ERAP1: variants seen among roughly 807,000 people sequenced by gnomAD.
ERAP1 encodes endoplasmic reticulum aminopeptidase 1, also known as adipocyte-derived leucine aminopeptidase.
Under a neutral mutation model 103.7 loss-of-function variants are expected in ERAP1, and 86 were observed. The observed-to-expected ratio is 0.83, with a 90% CI of 0.70 to 0.99. The LOEUF (loss-of-function observed/expected upper bound fraction) is 0.99, where lower values mean the gene tolerates loss of function less well. Ranked by LOEUF, ERAP1 falls within the 50% of genes least tolerant of loss-of-function variation. The pLI is 0.00. For missense variants in ERAP1, 1,009 were observed against 1,128.4 expected, an observed-to-expected ratio of 0.89 and a Z score of 1.52; for synonymous variants, 398 against 402.4, an observed-to-expected ratio of 0.99 and a Z score of 0.13.
Position 96,783,150 on chromosome 5 carries a change from C to T in ERAP1, c.2186G>A (p.Ser729Asn). ...EGSVSERMLR[S>N]QLLLLACVHN... ...CACACAGGCGAGGAGTAGTAGTTGACTCCGCAGCATTCGCTCTGAGACTGA... is the reference window on the plus strand; with the variant it reads ...CACACAGGCGAGGAGTAGTAGTTGATTCCGCAGCATTCGCTCTGAGACTGA... Residue 729 changes from serine to asparagine, a missense_variant, in exon 15 of 19, where the codon AGT becomes AAT. Physicochemically the swap from Ser to Asn is conservative, Grantham distance 46 (BLOSUM62 1). Around this residue, in one of 3 missense-constraint regions of ERAP1, gnomAD observed 611 missense variants for 651.7 expected, o/e 0.94. Transcript: ENST00000443439. The T allele has an allele frequency of 6.2e-7, 1 of 1,614,202 alleles. No homozygotes were observed. Among genetic ancestry groups the T allele is most frequent in the South Asian group, 1.1e-5 (1 of 91,086 alleles).
the ERAP1 span, among the ~76,000 whole-genome samples, chr5:96,893,613 A>G: frequency 2.0e-5 from 3 of 152,182 alleles, no homozygotes; most frequent in Non-Finnish European, 2.9e-5. Flanking sequence ...CTGAGGCTCC[A>G]TGCTCCCTCT....
chr5:96,768,510 T>C (rs1041921364), intron 19 of ERAP1: 5 of 402,786 alleles, frequency 1.2e-5, no homozygotes, highest in Non-Finnish European at 2.4e-5. Context: ...TCCTTTTTTT[T>C]CTATATGTAT....
the ERAP1 span, among the ~76,000 whole-genome samples, chr5:96,921,948 C>T: frequency 6.6e-6 from 1 of 152,208 alleles, no homozygotes; most frequent in African/African-American, 2.4e-5. Context: ...TGTGAAAATA[C>T]TGAAAACATA....
At chr5:96,935,798 C>T in the ERAP1 span, 2 of 275,580 alleles carry the variant, frequency 7.3e-6, no homozygotes, top group African/African-American at 4.5e-5. Context: ...TAGGGCTCCA[C>T]ATTTGTTGAG....
the ERAP1 span, chr5:96,892,160 C>A: frequency 1.3e-6 from 1 of 776,734 alleles, no homozygotes; most frequent in Non-Finnish European, 2.1e-6. Flanking sequence ...GACACCCTGT[C>A]AATGTTAAGA....
chr5:96,933,130 C>T, the ERAP1 span, among the ~76,000 whole-genome samples: 2 of 150,514 alleles, frequency 1.3e-5, no homozygotes, highest in South Asian at 4.3e-4. Flanking sequence ...AAACAAACTT[C>T]ATTATTATTC....
At chr5:96,888,421 TG>T in the ERAP1 span, among the ~76,000 whole-genome samples, 1 of 152,254 alleles carries the variant, frequency 6.6e-6, no homozygotes, top group East Asian at 1.9e-4. Flanking sequence ...TAAATCATTA[TG>T]TGTTTTTATT....
chr5:96,914,842 C>T, the ERAP1 span, among the ~76,000 whole-genome samples: 1 of 152,096 alleles, frequency 6.6e-6, no homozygotes, highest in South Asian at 2.1e-4. Context: ...GCAAGAAGTG[C>T]AATACATTAG....
At chr5:96,808,561 T>C (rs1161005720), upstream of ERAP1, among the ~76,000 whole-genome samples, 2 of 152,054 alleles carry the variant, frequency 1.3e-5, no homozygotes, top group African/African-American at 4.8e-5. Context: ...CAGTGGGAGA[T>C]GCTGTAGAGG....
chr5:96,768,229 G>A (rs958282845), intron 19 of ERAP1, among the ~76,000 whole-genome samples: 5 of 151,922 alleles, frequency 3.3e-5, no homozygotes, highest in South Asian at 4.1e-4. Context: ...GACTACAGGC[G>A]TGCACCACCA....
intron 19 of ERAP1, among the ~76,000 whole-genome samples, chr5:96,764,005 G>T (rs1243397784): frequency 6.6e-6 from 1 of 151,850 alleles, no homozygotes; most frequent in Non-Finnish European, 1.5e-5. Flanking sequence ...ACCATTGTGG[G>T]CATCAAATAA....
At position 96,781,681 on chromosome 5, in the gene ERAP1, T is replaced by A. The variant is rs1775192584; in HGVS notation, c.2447+12A>T. ...CCTTGGCCACATGAACATGAATGAA[T>A]GACGGACTCACCATTGAAGCTTTTC... On this transcript the variant is annotated intron_variant, in intron 16 of 18. Coordinates refer to ENST00000443439, the MANE Select transcript of ERAP1 (RefSeq NM_001040458.3). The A allele has an allele frequency of 6.2e-7, 1 of 1,614,052 alleles. No individual in the cohort carries two copies. The highest frequency in any genetic ancestry group is 8.5e-7 in the Non-Finnish European group (1 of 1,179,986).
the ERAP1 span, among the ~76,000 whole-genome samples, chr5:96,899,415 C>T: frequency 6.6e-6 from 1 of 152,234 alleles, no homozygotes; most frequent in East Asian, 1.9e-4. Context: ...CACATAAAGT[C>T]AATTCTAATA....
At chr5:96,776,578 A>C (rs1444124518) in intron 18 of ERAP1, 27 bp from the exon 19 acceptor site, 4 of 1,610,698 alleles carry the variant, frequency 2.5e-6, no homozygotes, top group Non-Finnish European at 3.4e-6. Flanking sequence ...GGGTTTTAAA[A>C]AATTAATTTT....
At chr5:96,791,504 T>C (rs952932312) in intron 8 of ERAP1, among the ~76,000 whole-genome samples, 16 of 152,140 alleles carry the variant, frequency 1.1e-4, no homozygotes, top group African/African-American at 3.9e-4. Context: ...AGAGCCTTGA[T>C]CTTACAAAGA....
At chr5:96,851,046 C>T in the ERAP1 span, among the ~76,000 whole-genome samples, 13 of 152,104 alleles carry the variant, frequency 8.5e-5, no homozygotes, top group African/African-American at 2.9e-4. Context: ...TTTCTTTCGG[C>T]TTCCTCAAAA....
rs376158201 is a variant in ERAP1 at position 96,793,815 on chromosome 5, T to A, written c.1062A>T (p.Glu354Asp). 2.5e-6 allele frequency: 4 copies of A among 1,613,652 alleles called. No individual in the cohort carries two copies. In the African/African-American group the frequency reaches 5.3e-5, roughly 22 times the overall value. The part of the protein sequence containing the change: ...KLGITMTVAH[E>D]LAHQWFGNLV... Reference sequence around the variant, plus strand: ...AATGAGCTTATACCTGGTGAGCCAGTTCATGGGCCACAGTCATTGTGATGC... The same window carrying A: ...AATGAGCTTATACCTGGTGAGCCAGATCATGGGCCACAGTCATTGTGATGC... Residue 354 changes from glutamate (E) to aspartate (D), a missense_variant, in exon 6 of 19, where the codon GAA becomes GAT. Glu to Asp is a conservative substitution (Grantham distance 45). Coordinates refer to ENST00000443439, the MANE Select transcript of ERAP1 (RefSeq NM_001040458.3).
the ERAP1 span, among the ~76,000 whole-genome samples, chr5:96,866,386 T>C: frequency 6.6e-6 from 1 of 152,220 alleles, no homozygotes; most frequent in Admixed American, 6.5e-5. Context: ...AATATTCATA[T>C]CAATTTTAGT....
At chr5:96,912,589 T>A in the ERAP1 span, 1 of 1,528,668 alleles carries the variant, frequency 6.5e-7, no homozygotes, top group Non-Finnish European at 8.8e-7. Context: ...AAGAAAAAAG[T>A]TTTTCTTTCA....
Sources: allele counts gnomAD v4.1 joint callset (sites outside exome capture counted in the v4.1 genomes callset), GRCh38; gene constraint gnomAD v4.1.1; regional missense constraint gnomAD v4.1.1; transcripts MANE v1.5; gene names NCBI Gene and HGNC (gene_info 2026-07-23, HGNC 2026-07-21).